The following ADK variants were observed in gnomAD, a reference collection of about 807,000 sequenced individuals.
ADK encodes N6,N6-dimethyladenosine kinase.
ADK carries 24 observed loss-of-function variants against 44.7 expected under a neutral mutation model. That is an observed-to-expected ratio of 0.54 (90% CI 0.39 to 0.76). The LOEUF is 0.76. ADK is among the 30% of genes least tolerant of loss of function. The probability of loss-of-function intolerance (pLI) is 0.00; values close to 1 mark genes in which losing one functional copy is unlikely to be tolerated. For synonymous variants in ADK, 128 were observed against 142.6 expected, an observed-to-expected ratio of 0.90 and a Z score of 0.73; for missense variants, 321 against 425.1, an observed-to-expected ratio of 0.76 and a Z score of 2.15.
intron 4 of ADK, among the ~76,000 whole-genome samples, chr10:74,323,313 C>G (rs1209005583): frequency 6.6e-6 from 1 of 152,120 alleles, no homozygotes; most frequent in Admixed American, 6.5e-5. Context: ...CAAGGATGGT[C>G]TTTGCCATTT....
intron 6 of ADK, among the ~76,000 whole-genome samples, chr10:74,473,262 T>C (rs1254254947): frequency 1.3e-5 from 2 of 152,148 alleles, no homozygotes; most frequent in African/African-American, 2.4e-5. Flanking sequence ...AGTTTTATTT[T>C]GAAATAATTT....
intron 4 of ADK, among the ~76,000 whole-genome samples, chr10:74,363,120 G>T (rs1330296013): frequency 1.3e-5 from 2 of 152,200 alleles, no homozygotes; most frequent in Non-Finnish European, 2.9e-5. Flanking sequence ...GCAGTTTCTT[G>T]ACTGCAGCAA....
rs558468804 is a variant in ADK, at chr10:74,564,388, C to G, written c.727-24894C>G. Among the ~76,000 whole-genome samples, 7 of 152,296 alleles carry G rather than the reference C, an allele frequency of 4.6e-5. No homozygotes were observed. In the South Asian group the frequency reaches 1.4e-3, roughly 32 times the overall value. On this transcript the variant is annotated intron_variant, in intron 7 of 10. Coordinates refer to ENST00000539909, the MANE Select transcript of ADK (RefSeq NM_006721.4). ...CCAGGAAAACTAATGGTATTTCCATCTATTCTCTTTGATAGCCCACAATTC... is the reference window on the plus strand; with the variant it reads ...CCAGGAAAACTAATGGTATTTCCATGTATTCTCTTTGATAGCCCACAATTC...
chr10:74,571,451 T>C (rs1261546929), intron 7 of ADK, among the ~76,000 whole-genome samples: 5 of 152,246 alleles, frequency 3.3e-5, no homozygotes, highest in African/African-American at 1.2e-4. Flanking sequence ...TATTGATTAT[T>C]GCCACAATTT....
rs146699863 is a variant in ADK at position 74,334,203 on chromosome 10, T to G, written c.273+19458T>G. ...CCCTTGGCAATCCCTGCTCTGTTTT[T>G]GTTGACAGAGACAGTTCTCCTCACT... On this transcript the variant is annotated intron_variant, in intron 4 of 10. Coordinates refer to ENST00000539909, the MANE Select transcript of ADK (RefSeq NM_006721.4). Among the ~76,000 whole-genome samples, 352 of 152,280 alleles carry G rather than the reference T, an allele frequency of 2.3e-3. 4 individuals carry two copies. The highest frequency in any genetic ancestry group is 8.1e-3 in the African/African-American group (338 of 41,566).
intron 3 of ADK, among the ~76,000 whole-genome samples, chr10:74,312,739 T>TAA (rs1216213934): frequency 2.2e-5 from 3 of 134,862 alleles, no homozygotes; most frequent in Admixed American, 7.5e-5. Context: ...AGCCTGTCTC[T>TAA]AAAAAAAAAA....
intron 1 of ADK, among the ~76,000 whole-genome samples, chr10:74,193,374 A>G (rs1337898573): frequency 1.1e-4 from 16 of 152,080 alleles, no homozygotes; most frequent in African/African-American, 4.8e-5. Context: ...AACATTAGGT[A>G]TATCTCCTAA....
chr10:74,491,855 A>G (rs1478017124), intron 6 of ADK, among the ~76,000 whole-genome samples: 2 of 152,126 alleles, frequency 1.3e-5, no homozygotes, highest in Non-Finnish European at 2.9e-5. Context: ...GGTTAGGAGT[A>G]TGGGGCTATG....
At chr10:74,269,727 A>G (rs1035392089) in intron 3 of ADK, among the ~76,000 whole-genome samples, 31 of 152,134 alleles carry the variant, frequency 2.0e-4, no homozygotes, top group African/African-American at 7.2e-4. Context: ...CAGGAGTTCA[A>G]GTATATCTTT....
At chr10:74,312,739 TAA>T (rs1216213934) in intron 3 of ADK, among the ~76,000 whole-genome samples, 11 of 134,816 alleles carry the variant, frequency 8.2e-5, no homozygotes, top group Non-Finnish European at 9.6e-5. Context: ...AGCCTGTCTC[TAA>T]AAAAAAAAAA....
At position 74,652,950 on chromosome 10, in the gene ADK, T is replaced by G. The variant is rs1327321602; in HGVS notation, c.878-17233T>G. ...TTGAATGGTGAGTTGGAAAGAGAAA[T>G]GTACGATCAATTCATAAGCTGGTGT... On this transcript the variant is annotated intron_variant, in intron 9 of 10. Transcript: ENST00000539909. Among the ~76,000 whole-genome samples, 3 of 152,176 alleles carry G rather than the reference T, an allele frequency of 2.0e-5. No individual in the cohort carries two copies. The East Asian group carries it at 5.8e-4, about 29-fold the overall frequency.
chr10:74,678,893 A>G lies in ADK; in HGVS notation c.964+8624A>G, dbSNP rs554395267. ...CAGCTGCTATTAAATGAATCTGGTC[A>G]ATTTTACCTGTCTGATACATCCAAC... On this transcript the variant is annotated intron_variant, in intron 10 of 10. Coordinates refer to ENST00000539909, the MANE Select transcript of ADK (RefSeq NM_006721.4). Among the ~76,000 whole-genome samples the G allele has an allele frequency of 1.1e-4, 16 of 152,322 alleles. 1 individual carries two copies. In the South Asian group the frequency reaches 1.9e-3, roughly 18 times the overall value.
intron 6 of ADK, among the ~76,000 whole-genome samples, chr10:74,500,698 A>G (rs1385574160): frequency 2.0e-5 from 3 of 152,238 alleles, no homozygotes; most frequent in Non-Finnish European, 4.4e-5. Context: ...ATAACATTTA[A>G]GTGACATATT....
chr10:74,568,036 A>G (rs1419282535), intron 7 of ADK, among the ~76,000 whole-genome samples: 2 of 152,086 alleles, frequency 1.3e-5, no homozygotes, highest in Non-Finnish European at 2.9e-5. Context: ...ACAGTGTAGT[A>G]CAAGCTTGTC....
intron 7 of ADK, among the ~76,000 whole-genome samples, chr10:74,578,632 A>G (rs964029002): frequency 2.0e-5 from 3 of 152,212 alleles, no homozygotes; most frequent in Non-Finnish European, 4.4e-5. Flanking sequence ...TGATCCTAGC[A>G]TAATGTATTG....
At chr10:74,684,465 G>T (rs1855721093) in intron 10 of ADK, among the ~76,000 whole-genome samples, 1 of 152,000 alleles carries the variant, frequency 6.6e-6, no homozygotes, top group Admixed American at 6.6e-5. Context: ...AAAAGAAGTA[G>T]TAAAACAATT....
At chr10:74,284,933 C>A (rs1847100935) in intron 3 of ADK, among the ~76,000 whole-genome samples, 1 of 152,194 alleles carries the variant, frequency 6.6e-6, no homozygotes, top group African/African-American at 2.4e-5. Context: ...GGGATAGCTA[C>A]TGGAGTTAGT....
intron 4 of ADK, among the ~76,000 whole-genome samples, chr10:74,373,124 A>C (rs186056191): frequency 3.0e-5 from 4 of 134,042 alleles, no homozygotes; most frequent in Non-Finnish European, 1.5e-5. Context: ...TCCATATGGG[A>C]AAAAAAAAAA....
At chr10:74,536,143 G>A (rs974995847) in intron 7 of ADK, among the ~76,000 whole-genome samples, 1 of 151,622 alleles carries the variant, frequency 6.6e-6, no homozygotes, top group Non-Finnish European at 1.5e-5. Flanking sequence ...GATTAATACT[G>A]TTAGATTTTA....
Sources: allele counts gnomAD v4.1 joint callset (sites outside exome capture counted in the v4.1 genomes callset), GRCh38; gene constraint gnomAD v4.1.1; transcripts MANE v1.5; gene names NCBI Gene and HGNC (gene_info 2026-07-23, HGNC 2026-07-21).